SYNE1: variants seen among roughly 807,000 people sequenced by gnomAD.
SYNE1 encodes the protein nesprin-1.
Under a neutral mutation model 1,111.0 loss-of-function variants are expected in SYNE1, and 616 were observed. That is an observed-to-expected ratio of 0.55 (90% CI 0.52 to 0.59). SYNE1 has a LOEUF of 0.59. Ranked by LOEUF, SYNE1 falls within the 20% of genes least tolerant of loss-of-function variation. SYNE1 has a pLI of 0.00. For synonymous variants in SYNE1, 3,855 were observed against 3,825.8 expected (o/e 1.01, Z -0.28); for missense variants, 10,006 against 10,417.0 (o/e 0.96, Z 1.72).
chr6:152,344,187 C>T lies in SYNE1; in HGVS notation c.12119G>A (p.Ser4040Asn), dbSNP rs756591744. The T allele has an allele frequency of 7.4e-6, 12 of 1,614,220 alleles. No individual in the cohort carries two copies. Among genetic ancestry groups the T allele is most frequent in the African/African-American group, 1.3e-5 (1 of 75,052 alleles). The change falls in exon 74 of 146, where the codon AGC becomes AAC. Residue 4040 changes from serine to asparagine, a missense_variant. Coordinates refer to ENST00000367255, the MANE Select transcript of SYNE1 (RefSeq NM_182961.4). ...SLEHELQKHV[S>N]RQDTLQQCQA... The stretch of plus-strand genomic sequence containing the variant: ...GCACTGCTGCAGGGTGTCTTGTCGG[C>T]TGACGTGCTTCTGAAGTTCGTGTTC...
chr6:152,331,692 G>A lies in SYNE1; in HGVS notation c.12993C>T (p.Leu4331=). Residue 4331 remains leucine, a synonymous_variant, in exon 78 of 146, where the codon CTC becomes CTT. Coordinates refer to ENST00000367255, the MANE Select transcript of SYNE1 (RefSeq NM_182961.4). The stretch of plus-strand genomic sequence containing the variant: ...CTGACACTTGGATTTTCCTTTTAAT[G>A]AGGTCCTCAAGCTGAAACCAACGTT... ...LEQRWFQLED[L]IKRKIQVSVT... 1 of 1,614,124 alleles carries A rather than the reference G, an allele frequency of 6.2e-7. No individual in the cohort carries two copies. Among genetic ancestry groups the A allele is most frequent in the Non-Finnish European group, 8.5e-7 (1 of 1,180,012 alleles).
chr6:152,439,682 C>T (rs530657563), intron 32 of SYNE1, among the ~76,000 whole-genome samples: 1 of 152,068 alleles, frequency 6.6e-6, no homozygotes, highest in Non-Finnish European at 1.5e-5. Flanking sequence ...GAGAGTGAAG[C>T]CTTTTGCAGG....
intron 50 of SYNE1, among the ~76,000 whole-genome samples, chr6:152,395,878 A>C (rs1335141852): frequency 6.6e-6 from 1 of 152,216 alleles, no homozygotes; most frequent in Non-Finnish European, 1.5e-5. Context: ...ATTTCTTTTG[A>C]GATCCAAGCA....
At chr6:152,404,510 G>A (rs2097865300) in intron 45 of SYNE1, among the ~76,000 whole-genome samples, 196 bp from the exon 46 acceptor site, 1 of 152,138 alleles carries the variant, frequency 6.6e-6, no homozygotes, top group African/African-American at 2.4e-5. Flanking sequence ...CACTGGGAAT[G>A]TGAAGGAGTG....
At chr6:152,568,828 C>A (rs776916400) in intron 3 of SYNE1, among the ~76,000 whole-genome samples, 1 of 152,040 alleles carries the variant, frequency 6.6e-6, no homozygotes, top group Admixed American at 6.6e-5. Context: ...CATTTGTAAG[C>A]AAAGATATGG....
At chr6:152,454,159 G>A (rs1428644352) in intron 24 of SYNE1, among the ~76,000 whole-genome samples, 1 of 147,640 alleles carries the variant, frequency 6.8e-6, no homozygotes, top group African/African-American at 2.7e-5. Flanking sequence ...ATGAGCCATT[G>A]TCACATTCAC....
intron 137 of SYNE1, chr6:152,145,122 C>T (rs2059241504): frequency 6.0e-6 from 2 of 334,894 alleles, no homozygotes; most frequent in Non-Finnish European, 1.2e-5. Context: ...AGTCTCCAGC[C>T]ACAGGTAGGT....
At chr6:152,346,963 A>G (rs2096648332) in intron 73 of SYNE1, 96 bp downstream of exon 73, 1 of 1,462,152 alleles carries the variant, frequency 6.8e-7, no homozygotes, top group Non-Finnish European at 9.3e-7. Flanking sequence ...ACGAATCCAA[A>G]GATTTGAGCA....
chr6:152,288,662 T>G (rs574166758), intron 95 of SYNE1, among the ~76,000 whole-genome samples: 1 of 152,306 alleles, frequency 6.6e-6, no homozygotes, highest in African/African-American at 2.4e-5. Flanking sequence ...TTCTTCTGCC[T>G]TAGCCTCTCA....
chr6:152,363,232 C>T (rs1385548624), intron 63 of SYNE1, among the ~76,000 whole-genome samples: 9 of 147,584 alleles, frequency 6.1e-5, no homozygotes, highest in South Asian at 2.2e-4. Flanking sequence ...CGGTGACTCA[C>T]GCCTGTAATC....
At chr6:152,489,289 C>G (rs1377710585) in intron 11 of SYNE1, among the ~76,000 whole-genome samples, 1 of 152,116 alleles carries the variant, frequency 6.6e-6, no homozygotes, top group African/African-American at 2.4e-5. Context: ...TTACAAAATG[C>G]AACTCCAGCA....
chr6:152,160,387 A>T lies in SYNE1; in HGVS notation c.23790+3776T>A, dbSNP rs138371957. Among the ~76,000 whole-genome samples the T allele has an allele frequency of 6.4e-3, 981 of 152,234 alleles. 14 individuals are homozygous for T. The highest frequency in any genetic ancestry group is 0.022 in the African/African-American group (929 of 41,544). ...GCCCCTCCTGGCTCCTCCTGGAAAC[A>T]TCCCTCCTAGAGCACCCAGAGCCCC... On this transcript the variant is annotated intron_variant, in intron 131 of 145. Coordinates refer to ENST00000367255, the MANE Select transcript of SYNE1 (RefSeq NM_182961.4).
chr6:152,147,156 G>C (rs2059647534), intron 137 of SYNE1: 1 of 152,246 alleles, frequency 6.6e-6, no homozygotes, highest in African/African-American at 2.4e-5. Context: ...CTCCATCCCA[G>C]TTCAATGGAC....
In SYNE1 at chr6:152,224,716, G is replaced by T. The variant is rs533269660; in HGVS notation, c.21352-52C>A. On this transcript the variant is annotated intron_variant, in intron 116 of 145. Transcript: ENST00000367255. ...TAATTTCATAATATCTAGAATGATGGAATATATATTCAATTGATGGGAAAA... is the reference window on the plus strand; with the variant it reads ...TAATTTCATAATATCTAGAATGATGTAATATATATTCAATTGATGGGAAAA... 388 of 1,536,042 alleles carry T rather than the reference G, an allele frequency of 2.5e-4. 6 individuals are homozygous for T. The East Asian group carries it at 8.6e-3, about 34-fold the overall frequency.
intron 117 of SYNE1, among the ~76,000 whole-genome samples, chr6:152,223,693 C>T (rs890358196): frequency 6.6e-6 from 1 of 152,034 alleles, no homozygotes; most frequent in African/African-American, 2.4e-5. Context: ...AGGCAGGCTG[C>T]ATCTGAGGTC....
Position 152,350,149 on chromosome 6 carries a change from C to G in SYNE1, c.11901+19G>C. The G allele has an allele frequency of 6.2e-7, 1 of 1,612,568 alleles. No individual in the cohort carries two copies. Among genetic ancestry groups the G allele is most frequent in the South Asian group, 1.1e-5 (1 of 91,002 alleles). ...TGGTGAAGCCATCCCAAAGGCAGCCCTTTAAAGGTCAGGGGTACCTTGTGG... is the reference window on the plus strand; with the variant it reads ...TGGTGAAGCCATCCCAAAGGCAGCCGTTTAAAGGTCAGGGGTACCTTGTGG... On this transcript the variant is annotated intron_variant, in intron 72 of 145. Coordinates refer to ENST00000367255, the MANE Select transcript of SYNE1 (RefSeq NM_182961.4).
Position 152,306,185 on chromosome 6 carries a change from T to TA in SYNE1, c.17346+2303_17346+2304insT, listed in dbSNP as rs1244667222. Reference sequence around the variant, plus strand: ...TTTTGTCAGTAAAATAAAGATGATTTTAAAAAAATCCTTACCCCGGCCAGT... The same window carrying TA: ...TTTTGTCAGTAAAATAAAGATGATTTATAAAAAAATCCTTACCCCGGCCAGT... On this transcript the variant is annotated intron_variant, in intron 91 of 145. Coordinates refer to ENST00000367255, the MANE Select transcript of SYNE1 (RefSeq NM_182961.4). 3.9e-5 allele frequency among the ~76,000 whole-genome samples: 6 copies of TA among 152,108 alleles called. No homozygotes were observed. In the East Asian group the frequency reaches 5.8e-4, roughly 15 times the overall value.
chr6:152,348,109 T>G lies in SYNE1; in HGVS notation c.11902-874A>C, dbSNP rs569577576. On this transcript the variant is annotated intron_variant, in intron 72 of 145. Coordinates refer to ENST00000367255, the MANE Select transcript of SYNE1 (RefSeq NM_182961.4). ...ATTCTTGTAATATCTAACTTACATC[T>G]ACTACTGTTTATAATAATGAAAATA... Among the ~76,000 whole-genome samples the G allele has an allele frequency of 5.3e-5, 8 of 152,350 alleles. No homozygotes were observed. In the East Asian group the frequency reaches 1.5e-3, roughly 29 times the overall value.
chr6:152,442,261 C>A lies in SYNE1; in HGVS notation c.3838-16G>T. On this transcript the variant is annotated splice_polypyrimidine_tract_variant and intron_variant, in intron 30 of 145. Coordinates refer to ENST00000367255, the MANE Select transcript of SYNE1 (RefSeq NM_182961.4). ...TTGTCTTTTGCTAGAAGCATTTATT[C>A]AACAGATGGATATAAATTGTGCTCT... 6.2e-7 allele frequency: 1 copy of A among 1,611,618 alleles called. No individual in the cohort carries two copies. The highest frequency in any genetic ancestry group is 1.1e-5 in the South Asian group (1 of 91,082).
Sources: allele counts gnomAD v4.1 joint callset (sites outside exome capture counted in the v4.1 genomes callset), GRCh38; gene constraint gnomAD v4.1.1; transcripts MANE v1.5; gene names NCBI Gene and HGNC (gene_info 2026-07-23, HGNC 2026-07-21).